The following ITPR2 variants were observed in gnomAD, a reference collection of about 807,000 sequenced individuals.
The protein encoded by ITPR2 is inositol 1,4,5-trisphosphate receptor type 2.
In ITPR2, 207 loss-of-function variants were observed where a neutral mutation model predicts 317.1. The ratio of observed to expected loss-of-function variants is 0.65; its 90% CI spans 0.58 to 0.73. ITPR2 has a LOEUF of 0.73. Ranked by LOEUF, ITPR2 falls within the 30% of genes least tolerant of loss-of-function variation. The probability of loss-of-function intolerance (pLI) is 0.00; values close to 1 mark genes in which losing one functional copy is unlikely to be tolerated. For missense variants in ITPR2, 2,613 were observed against 3,284.0 expected, an observed-to-expected ratio of 0.80 and a Z score of 4.99; for synonymous variants, 1,156 against 1,149.1, an observed-to-expected ratio of 1.01 and a Z score of -0.12.
At chr12:26,467,998 T>G (rs1201433785) in intron 45 of ITPR2, among the ~76,000 whole-genome samples, 3 of 152,208 alleles carry the variant, frequency 2.0e-5, no homozygotes, top group South Asian at 4.1e-4. Flanking sequence ...GATCCACTAC[T>G]AATTTAGTAG....
At chr12:26,439,444 T>G (rs1457496515) in intron 46 of ITPR2, 125 bp from the exon 47 acceptor site, 1 of 635,074 alleles carries the variant, frequency 1.6e-6, no homozygotes, top group Admixed American at 3.6e-5. Flanking sequence ...TGTGCCAACT[T>G]GAAGTATCTG....
At chr12:26,355,454 C>G (rs1473167794) in intron 55 of ITPR2, among the ~76,000 whole-genome samples, 1 of 152,136 alleles carries the variant, frequency 6.6e-6, no homozygotes, top group Non-Finnish European at 1.5e-5. Context: ...ATTTGGGCAG[C>G]TTCTCTAGAT....
At chr12:26,556,564 T>TGTGTGTG (rs558329274) in intron 35 of ITPR2, among the ~76,000 whole-genome samples, 189 bp from the exon 36 acceptor site, 11,667 of 111,198 alleles carry the variant, frequency 0.1, 643 homozygotes, top group Non-Finnish European at 0.17. Flanking sequence ...CTATTTTTTT[T>TGTGTGTG]TTTGTGTGTG....
At chr12:26,656,679 G>T in intron 18 of ITPR2, 131 bp from the exon 19 acceptor site, 1 of 887,872 alleles carries the variant, frequency 1.1e-6, no homozygotes, top group Non-Finnish European at 1.7e-6. Flanking sequence ...TCAAACTCTT[G>T]ACTGTAGTAT....
chr12:26,477,603 G>A (rs187227912), intron 43 of ITPR2, among the ~76,000 whole-genome samples: 2 of 152,106 alleles, frequency 1.3e-5, no homozygotes, highest in African/African-American at 4.8e-5. Flanking sequence ...TTTACCTTTG[G>A]GTTGTGAAAG....
intron 1 of ITPR2, among the ~76,000 whole-genome samples, chr12:26,813,127 G>C (rs1421354978): frequency 6.6e-6 from 1 of 152,150 alleles, no homozygotes; most frequent in African/African-American, 2.4e-5. Flanking sequence ...TTCATATTTA[G>C]TTGTAGCATA....
At chr12:26,378,111 A>G (rs1423110974) in intron 55 of ITPR2, among the ~76,000 whole-genome samples, 1 of 152,116 alleles carries the variant, frequency 6.6e-6, no homozygotes, top group Non-Finnish European at 1.5e-5. Context: ...GAAGAGAACA[A>G]AGCAGAAGTG....
intron 45 of ITPR2, among the ~76,000 whole-genome samples, chr12:26,471,805 C>G (rs1942296598): frequency 6.6e-6 from 1 of 152,168 alleles, no homozygotes; most frequent in African/African-American, 2.4e-5. Context: ...CAGTCATTTG[C>G]CTGCAGGAGC....
At chr12:26,554,201 ACT>A (rs1020288810) in intron 36 of ITPR2, among the ~76,000 whole-genome samples, 14 of 152,048 alleles carry the variant, frequency 9.2e-5, no homozygotes, top group Admixed American at 2.0e-4. Context: ...GTCTAACAGA[ACT>A]CTCTGCAAAA....
intron 1 of ITPR2, among the ~76,000 whole-genome samples, chr12:26,799,526 T>C (rs1288619037): frequency 6.6e-6 from 1 of 152,076 alleles, no homozygotes; most frequent in Non-Finnish European, 1.5e-5. Flanking sequence ...ACTAAAAGAG[T>C]TACACATAGC....
Position 26,618,989 on chromosome 12 carries a change from C to T in ITPR2, c.3462+2134G>A, listed in dbSNP as rs567274673. Among the ~76,000 whole-genome samples the T allele has an allele frequency of 7.6e-4, 115 of 152,058 alleles. 1 individual carries two copies. Among genetic ancestry groups the T allele is most frequent in the Non-Finnish European group, 1.2e-3 (82 of 67,990 alleles). On this transcript the variant is annotated intron_variant, in intron 26 of 56. Transcript: ENST00000381340. ...AAAATAAATTCATGATAGTGGTTTC[C>T]TCTGTTATATAGGGAGGGAGCACAT...
chr12:26,768,263 G>A (rs938880292), intron 2 of ITPR2, among the ~76,000 whole-genome samples: 1 of 139,398 alleles, frequency 7.2e-6, no homozygotes, highest in African/African-American at 2.6e-5. Context: ...GGGGACGGTG[G>A]TGGGGTCGGG....
Position 26,722,471 on chromosome 12 carries a change from A to G in ITPR2, c.451T>C (p.Leu151=). The part of the protein sequence containing the change: ...LLEKNAMRVS[L]DAAGNEGSWF... ...GACCCTTCATTTCCTGCAGCATCCA[A>G]GGACACACGCATGGCATTCTTCTCC... Residue 151 remains leucine (L), a synonymous_variant, in exon 5 of 57, where the codon TTG becomes CTG. Transcript: ENST00000381340. The G allele has an allele frequency of 1.2e-6, 2 of 1,613,376 alleles. No homozygotes were observed. Among genetic ancestry groups the G allele is most frequent in the South Asian group, 1.1e-5 (1 of 91,022 alleles).
chr12:26,703,893 G>T (rs60341835), intron 9 of ITPR2, among the ~76,000 whole-genome samples: 21,247 of 152,168 alleles, frequency 0.14, 1,824 homozygotes, highest in Non-Finnish European at 0.2. Context: ...AATAGCCATT[G>T]AATAGATATA....
chr12:26,437,250 T>G (rs924520688), intron 47 of ITPR2, among the ~76,000 whole-genome samples: 2 of 152,198 alleles, frequency 1.3e-5, no homozygotes, highest in Non-Finnish European at 2.9e-5. Flanking sequence ...ATTAAAAAAT[T>G]GAAGTTAATC....
intron 15 of ITPR2, 90 bp downstream of exon 15, chr12:26,663,595 T>A: frequency 8.3e-7 from 1 of 1,204,526 alleles, no homozygotes; most frequent in South Asian, 1.8e-5. Flanking sequence ...AAATTTCCCA[T>A]TCCTACTTTC....
chr12:26,628,340 A>C (rs1249336648), intron 22 of ITPR2, among the ~76,000 whole-genome samples, 178 bp from the exon 23 acceptor site: 2 of 152,252 alleles, frequency 1.3e-5, no homozygotes, highest in African/African-American at 4.8e-5. Context: ...ATTCATTTCT[A>C]CTAGCTAATG....
intron 46 of ITPR2, among the ~76,000 whole-genome samples, chr12:26,442,945 T>C (rs539229638): frequency 2.0e-5 from 3 of 152,136 alleles, no homozygotes; most frequent in Non-Finnish European, 4.4e-5. Context: ...CCATAGCTAG[T>C]AAATGACAGC....
intron 48 of ITPR2, among the ~76,000 whole-genome samples, chr12:26,433,751 A>G (rs926018714): frequency 6.6e-6 from 1 of 152,116 alleles, no homozygotes; most frequent in African/African-American, 2.4e-5. Context: ...GTGGGTATCT[A>G]TTTAGCTGGA....
Sources: allele counts gnomAD v4.1 joint callset (sites outside exome capture counted in the v4.1 genomes callset), GRCh38; gene constraint gnomAD v4.1.1; transcripts MANE v1.5; gene names NCBI Gene and HGNC (gene_info 2026-07-23, HGNC 2026-07-21).